The following CSMD1 variants were observed in gnomAD, a reference collection of about 807,000 sequenced individuals.
CSMD1 encodes the protein CUB and Sushi multiple domains 1, also known as CUB and sushi domain-containing protein 1.
In CSMD1, 213 loss-of-function variants were observed where a neutral mutation model predicts 417.5. That is an observed-to-expected ratio of 0.51 (90% CI 0.46 to 0.57). CSMD1 has a LOEUF of 0.57. CSMD1 is among the 20% of genes least tolerant of loss of function. CSMD1 has a pLI of 0.00. For synonymous variants in CSMD1, 2,862 were observed against 1,736.8 expected (o/e 1.65, Z -16.11); for missense variants, 6,923 against 4,529.7 (o/e 1.53, Z -15.17).
chr8:4,207,835 C>G (rs1404221965), intron 3 of CSMD1, among the ~76,000 whole-genome samples: 2 of 152,092 alleles, frequency 1.3e-5, no homozygotes, highest in Non-Finnish European at 2.9e-5. Flanking sequence ...GCAACCTCAG[C>G]CCTGGTGATG....
intron 10 of CSMD1, among the ~76,000 whole-genome samples, chr8:3,530,967 C>G (rs1457956186): frequency 6.6e-6 from 1 of 151,976 alleles, no homozygotes; most frequent in Non-Finnish European, 1.5e-5. Context: ...ATTCTCCTGC[C>G]TCAGCTTCCT....
chr8:3,410,401 A>G (rs1812610654), intron 12 of CSMD1, among the ~76,000 whole-genome samples: 1 of 152,176 alleles, frequency 6.6e-6, no homozygotes, highest in South Asian at 2.1e-4. Flanking sequence ...CTCATTTTGA[A>G]TCCCACGTGT....
At chr8:3,668,356 C>T (rs1049102050) in intron 7 of CSMD1, among the ~76,000 whole-genome samples, 17 of 152,154 alleles carry the variant, frequency 1.1e-4, no homozygotes, top group Admixed American at 2.0e-4. Flanking sequence ...CTGTGCATGA[C>T]GGATGGAGTC....
chr8:3,399,588 A>C, intron 15 of CSMD1, 59 bp from the exon 16 acceptor site: 1 of 1,330,012 alleles, frequency 7.5e-7, no homozygotes, highest in Non-Finnish European at 1.0e-6. Context: ...ATGCCATAAC[A>C]ATACCCGGAT....
rs146487863 is a variant in CSMD1, at chr8:3,692,075, A to G, written c.1009+16339T>C. On this transcript the variant is annotated intron_variant, in intron 7 of 69. Coordinates refer to ENST00000635120, the MANE Select transcript of CSMD1 (RefSeq NM_033225.6). ...CCTGCTCCGGGTGAGATCTCAGTCA[A>G]CTTCGCAATCATCCTCTGACTCATC... 4.6e-3 allele frequency among the ~76,000 whole-genome samples: 702 copies of G among 152,236 alleles called. 9 individuals are homozygous for G. The highest frequency in any genetic ancestry group is 0.016 in the African/African-American group (667 of 41,532).
intron 3 of CSMD1, among the ~76,000 whole-genome samples, chr8:4,073,284 G>A (rs1002598029): frequency 6.6e-6 from 1 of 152,172 alleles, no homozygotes. Context: ...AGAGTTGAAA[G>A]AAGAGAGTAA....
At chr8:4,698,974 A>G (rs572849409) in intron 1 of CSMD1, among the ~76,000 whole-genome samples, 60 of 151,872 alleles carry the variant, frequency 4.0e-4, no homozygotes, top group South Asian at 2.3e-3. Flanking sequence ...CGTCAGGATT[A>G]TCACTGCCTT....
At chr8:3,572,213 C>T (rs79811324) in intron 10 of CSMD1, among the ~76,000 whole-genome samples, 1 of 152,064 alleles carries the variant, frequency 6.6e-6, no homozygotes, top group East Asian at 1.9e-4. Context: ...TGGGAGCCCC[C>T]TCTCAGTCCA....
Position 4,800,643 on chromosome 8 carries a change from C to T in CSMD1, c.86-163085G>A, listed in dbSNP as rs140517821. Reference sequence around the variant, plus strand: ...ACAGACCCATCTTTGGTGCAATCCCCCAGGGGGCTGTGGAGCCTCAGAGTT... The same window carrying T: ...ACAGACCCATCTTTGGTGCAATCCCTCAGGGGGCTGTGGAGCCTCAGAGTT... On this transcript the variant is annotated intron_variant, in intron 1 of 69. Transcript: ENST00000635120. Among the ~76,000 whole-genome samples, 797 of 152,278 alleles carry T rather than the reference C, an allele frequency of 5.2e-3. 2 individuals are homozygous for T. The highest frequency in any genetic ancestry group is 0.018 in the African/African-American group (766 of 41,546).
Position 4,436,927 on chromosome 8 carries a change from A to G in CSMD1, c.303-16862T>C, listed in dbSNP as rs140812142. 2.0e-3 allele frequency among the ~76,000 whole-genome samples: 311 copies of G among 152,274 alleles called. 3 individuals carry two copies. The highest frequency in any genetic ancestry group is 4.4e-3 in the Admixed American group (68 of 15,298). ...TTTATCCATTCATCTGTTGATGGACACTGAGGTTGCTTCCAAATCTTACCT... is the reference window on the plus strand; with the variant it reads ...TTTATCCATTCATCTGTTGATGGACGCTGAGGTTGCTTCCAAATCTTACCT... On this transcript the variant is annotated intron_variant, in intron 2 of 69. Transcript: ENST00000635120.
intron 1 of CSMD1, among the ~76,000 whole-genome samples, chr8:4,964,004 C>T (rs1237210366): frequency 6.6e-6 from 1 of 151,992 alleles, no homozygotes; most frequent in East Asian, 1.9e-4. Flanking sequence ...AAGCATATGG[C>T]ACATGTGAAG....
At chr8:4,914,466 T>A (rs1339298236) in intron 1 of CSMD1, among the ~76,000 whole-genome samples, 1 of 151,516 alleles carries the variant, frequency 6.6e-6, no homozygotes, top group Non-Finnish European at 1.5e-5. Flanking sequence ...TAGTCCCAGC[T>A]ACTCGGGAGG....
chr8:4,354,450 G>C (rs904915992), intron 3 of CSMD1, among the ~76,000 whole-genome samples: 8 of 152,100 alleles, frequency 5.3e-5, no homozygotes, highest in African/African-American at 9.7e-5. Flanking sequence ...CCAAACATCT[G>C]CGTTAGCTAA....
chr8:4,740,992 G>A (rs1439412221), intron 1 of CSMD1, among the ~76,000 whole-genome samples: 2 of 152,056 alleles, frequency 1.3e-5, no homozygotes, highest in Non-Finnish European at 2.9e-5. Context: ...TTAACAGGAA[G>A]ACACATAAAA....
intron 7 of CSMD1, among the ~76,000 whole-genome samples, chr8:3,624,625 A>G (rs1034473122): frequency 6.6e-6 from 1 of 152,188 alleles, no homozygotes; most frequent in African/African-American, 2.4e-5. Flanking sequence ...CCATCAGGAA[A>G]GTGGTTATAC....
chr8:3,033,731 T>C (rs1348847716), intron 50 of CSMD1, among the ~76,000 whole-genome samples: 2 of 152,168 alleles, frequency 1.3e-5, no homozygotes, highest in Non-Finnish European at 2.9e-5. Flanking sequence ...CAAACCTGTA[T>C]GTTCTGCACA....
At chr8:2,990,844 G>C (rs181926959) in intron 54 of CSMD1, among the ~76,000 whole-genome samples, 2 of 152,204 alleles carry the variant, frequency 1.3e-5, no homozygotes, top group Admixed American at 1.3e-4. Flanking sequence ...TTGAGCAAAT[G>C]AGATAGTTTG....
chr8:3,719,706 C>A (rs572896329), intron 6 of CSMD1, among the ~76,000 whole-genome samples: 1 of 152,192 alleles, frequency 6.6e-6, no homozygotes, highest in South Asian at 2.1e-4. Flanking sequence ...ACACTGTAGC[C>A]CCCATACCAG....
intron 3 of CSMD1, among the ~76,000 whole-genome samples, chr8:4,076,712 A>G (rs1432120392): frequency 6.6e-6 from 1 of 152,114 alleles, no homozygotes; most frequent in East Asian, 1.9e-4. Context: ...TTTCACTGCT[A>G]CTCATCTCTG....
Sources: allele counts gnomAD v4.1 joint callset (sites outside exome capture counted in the v4.1 genomes callset), GRCh38; gene constraint gnomAD v4.1.1; transcripts MANE v1.5; gene names NCBI Gene and HGNC (gene_info 2026-07-23, HGNC 2026-07-21).